SLCO6A1: variants seen among roughly 807,000 people sequenced by gnomAD.
The protein encoded by SLCO6A1 is cancer/testis antigen 48.
In SLCO6A1, 65 loss-of-function variants were observed where a neutral mutation model predicts 72.7. That is an observed-to-expected ratio of 0.89 (90% CI 0.73 to 1.10). The LOEUF (loss-of-function observed/expected upper bound fraction) is 1.10. SLCO6A1 is among the 50% of genes least tolerant of loss of function. The pLI, the probability that SLCO6A1 is intolerant of heterozygous loss-of-function variation, is 0.00. For missense variants in SLCO6A1, 874 were observed against 872.6 expected, an observed-to-expected ratio of 1.00 and a Z score of -0.02; for synonymous variants, 314 against 298.2, an observed-to-expected ratio of 1.05 and a Z score of -0.55.
intron 1 of SLCO6A1, among the ~76,000 whole-genome samples, chr5:102,494,098 T>C (rs1183178462): frequency 6.6e-6 from 1 of 152,064 alleles, no homozygotes; most frequent in Non-Finnish European, 1.5e-5. Context: ...ATTAGGAAAA[T>C]AGAACTGAAT....
intron 9 of SLCO6A1, among the ~76,000 whole-genome samples, chr5:102,401,904 A>G (rs1353733997): frequency 6.6e-6 from 1 of 152,110 alleles, no homozygotes; most frequent in South Asian, 2.1e-4. Context: ...AATCTGGAGG[A>G]CAGACAAAAG....
chr5:102,472,137 G>A (rs1644089834), intron 4 of SLCO6A1, among the ~76,000 whole-genome samples: 1 of 152,116 alleles, frequency 6.6e-6, no homozygotes, highest in Non-Finnish European at 1.5e-5. Flanking sequence ...ATACAGGTCA[G>A]CCTCCCTGAG....
chr5:102,492,121 C>A (rs894250220), intron 1 of SLCO6A1, among the ~76,000 whole-genome samples: 7 of 152,160 alleles, frequency 4.6e-5, no homozygotes, highest in African/African-American at 1.7e-4. Context: ...GGAAGTCTGC[C>A]CCCGTGATCC....
chr5:102,459,722 G>T lies in SLCO6A1; in HGVS notation c.955C>A (p.Leu319Ile), dbSNP rs758761518. Reference sequence around the variant, plus strand: ...CACCATGCAACGACAGCGGCAAAAAGAAAATTAATCCACCAAGTCCATAGC... The same window carrying T: ...CACCATGCAACGACAGCGGCAAAAATAAAATTAATCCACCAAGTCCATAGC... ...EWLWTWWINF[L>I]FAAVVAWCTL... is the part of the protein sequence containing the mutation. Residue 319 changes from leucine (L) to isoleucine (I), a missense_variant, in exon 5 of 14, where the codon CTT (leucine) becomes ATT (isoleucine). Coordinates refer to ENST00000506729, the MANE Select transcript of SLCO6A1 (RefSeq NM_173488.5). 6.2e-7 allele frequency: 1 copy of T among 1,605,694 alleles called. No individual in the cohort carries two copies. The highest frequency in any genetic ancestry group is 1.1e-5 in the South Asian group (1 of 90,394).
Position 102,491,584 on chromosome 5 carries a change from G to A in SLCO6A1, c.358+6903C>T, listed in dbSNP as rs988523311. ...GAGAAATTGAACACAACAGCTGCTG[G>A]CCCAGGTGCTAAGCCCCTCACTGCC... On this transcript the variant is annotated intron_variant, in intron 1 of 13. Transcript: ENST00000506729. Among the ~76,000 whole-genome samples the A allele has an allele frequency of 2.6e-5, 4 of 152,216 alleles. 1 individual carries two copies. The highest frequency in any genetic ancestry group is 2.9e-5 in the Non-Finnish European group (2 of 68,044).
intron 10 of SLCO6A1, among the ~76,000 whole-genome samples, chr5:102,395,646 C>T (rs1747030130): frequency 1.3e-5 from 2 of 152,164 alleles, no homozygotes; most frequent in African/African-American, 2.4e-5. Context: ...AACTAGTTTA[C>T]AGACCCACCA....
chr5:102,380,673 C>T (rs1355489573), intron 12 of SLCO6A1, among the ~76,000 whole-genome samples: 1 of 152,002 alleles, frequency 6.6e-6, no homozygotes, highest in African/African-American at 2.4e-5. Context: ...AATAAAGTAG[C>T]CACTAGCCAA....
rs959276528 is a variant in SLCO6A1 at position 102,438,837 on chromosome 5, T to C, written c.1132-76A>G. 9.3e-6 allele frequency: 10 copies of C among 1,077,032 alleles called. No homozygotes were observed. In the African/African-American group the frequency reaches 1.2e-4, roughly 12 times the overall value. 66.7% of individuals were successfully genotyped at this position (1,077,032 alleles called of 1,614,324 possible). On this transcript the variant is annotated intron_variant, in intron 6 of 13. Coordinates refer to ENST00000506729, the MANE Select transcript of SLCO6A1 (RefSeq NM_173488.5). ...AGGAATAGACAGAACCAAATGCTAA[T>C]GATCTGTCTACAAAAATTTACCATT...
At chr5:102,376,232 C>T (rs575509149) in intron 12 of SLCO6A1, among the ~76,000 whole-genome samples, 3 of 151,866 alleles carry the variant, frequency 2.0e-5, no homozygotes, top group African/African-American at 7.3e-5. Context: ...TCTCATTAAA[C>T]AAAAATGTAA....
chr5:102,430,154 T>C (rs1035829597), intron 7 of SLCO6A1, among the ~76,000 whole-genome samples: 7 of 152,198 alleles, frequency 4.6e-5, no homozygotes, highest in Non-Finnish European at 7.3e-5. Flanking sequence ...GTTGATTTTG[T>C]ATCCAGAAAC....
chr5:102,488,492 C>T (rs1752536550), intron 1 of SLCO6A1, among the ~76,000 whole-genome samples: 1 of 152,140 alleles, frequency 6.6e-6, no homozygotes, highest in South Asian at 2.1e-4. Flanking sequence ...ATTACACTTC[C>T]ATTAATAGTA....
chr5:102,451,504 A>G (rs755753694), intron 6 of SLCO6A1, among the ~76,000 whole-genome samples: 1 of 152,156 alleles, frequency 6.6e-6, no homozygotes, highest in Non-Finnish European at 1.5e-5. Context: ...GGGATTTGGC[A>G]TGTACCTGAA....
intron 9 of SLCO6A1, 142 bp from the exon 10 acceptor site, chr5:102,399,884 TG>T: frequency 1.8e-6 from 1 of 542,992 alleles, no homozygotes; most frequent in Non-Finnish European, 3.0e-6. Flanking sequence ...AAGCCTGCTA[TG>T]TATTATTTAG....
intron 3 of SLCO6A1, among the ~76,000 whole-genome samples, chr5:102,477,242 C>T (rs530525486): frequency 2.0e-5 from 3 of 152,200 alleles, no homozygotes; most frequent in East Asian, 3.9e-4. Flanking sequence ...CTGCCTCAGC[C>T]TCCAGAGTAG....
intron 6 of SLCO6A1, among the ~76,000 whole-genome samples, chr5:102,456,911 C>T (rs1433737355): frequency 1.3e-5 from 2 of 152,092 alleles, no homozygotes; most frequent in Admixed American, 6.5e-5. Flanking sequence ...GAGATATAGA[C>T]CAATGGAACA....
At chr5:102,450,573 G>C (rs1750360586) in intron 6 of SLCO6A1, among the ~76,000 whole-genome samples, 1 of 152,222 alleles carries the variant, frequency 6.6e-6, no homozygotes, top group South Asian at 2.1e-4. Flanking sequence ...ACTGGCTGCA[G>C]ATCTCAGCTT....
At chr5:102,433,357 C>T (rs1040429537) in intron 7 of SLCO6A1, among the ~76,000 whole-genome samples, 8 of 152,154 alleles carry the variant, frequency 5.3e-5, no homozygotes, top group African/African-American at 7.2e-5. Flanking sequence ...TTTGAATTGT[C>T]AGAGTTCTCG....
At chr5:102,444,524 A>G (rs973838366) in intron 6 of SLCO6A1, among the ~76,000 whole-genome samples, 3 of 152,242 alleles carry the variant, frequency 2.0e-5, no homozygotes, top group African/African-American at 7.2e-5. Flanking sequence ...ATAATTAGCC[A>G]TAGAAAATAA....
chr5:102,493,763 T>C (rs555313103), intron 1 of SLCO6A1, among the ~76,000 whole-genome samples: 1 of 152,222 alleles, frequency 6.6e-6, no homozygotes, highest in East Asian at 1.9e-4. Context: ...TGCAAAAAAA[T>C]GACTTCTGTA....
Sources: allele counts gnomAD v4.1 joint callset (sites outside exome capture counted in the v4.1 genomes callset), GRCh38; gene constraint gnomAD v4.1.1; transcripts MANE v1.5; gene names NCBI Gene and HGNC (gene_info 2026-07-23, HGNC 2026-07-21).